Variants in GRIA2 observed in about 807,000 individuals in gnomAD.
GRIA2 encodes the protein glutamate receptor 2.
GRIA2 carries 14 observed loss-of-function variants against 97.3 expected under a neutral mutation model. The observed-to-expected ratio is 0.14, with a 90% CI of 0.10 to 0.23. The LOEUF is 0.23. GRIA2 is among the 10% of genes least tolerant of loss of function. The pLI, the probability that GRIA2 is intolerant of heterozygous loss-of-function variation, is 1.00. For synonymous variants in GRIA2, 412 were observed against 387.8 expected, an observed-to-expected ratio of 1.06 and a Z score of -0.73; for missense variants, 558 against 1,069.8, an observed-to-expected ratio of 0.52 and a Z score of 6.67.
chr4:157,361,063 A>G lies in GRIA2; in HGVS notation c.2345A>G (p.Lys782Arg). The G allele has an allele frequency of 6.2e-7, 1 of 1,613,846 alleles. No homozygotes were observed. The highest frequency in any genetic ancestry group is 8.5e-7 in the Non-Finnish European group (1 of 1,179,754). ...CTGAATGAACAAGGCCTGTTGGACAAATTGAAAAACAAATGGTGGTACGAC... is the reference window on the plus strand; with the variant it reads ...CTGAATGAACAAGGCCTGTTGGACAGATTGAAAAACAAATGGTGGTACGAC... ...LKLNEQGLLD[K>R]LKNKWWYDKG... is the part of the protein sequence containing the mutation. The change falls in exon 14 of 16, where the codon AAA becomes AGA. Residue 782 changes from lysine (K) to arginine (R), a missense_variant. Coordinates refer to ENST00000264426, the MANE Select transcript of GRIA2 (RefSeq NM_001083619.3). This position sits in a 1 kb window ranked among gnomAD's most constrained non-coding sequence, Gnocchi z 5.2.
intron 3 of GRIA2, among the ~76,000 whole-genome samples, chr4:157,309,901 T>C (rs1342346210): frequency 6.6e-6 from 1 of 152,170 alleles, no homozygotes; most frequent in African/African-American, 2.4e-5. Context: ...AATTTCTATA[T>C]GGTAATATAT....
chr4:157,343,098 T>C (rs935866578), intron 12 of GRIA2, among the ~76,000 whole-genome samples: 2 of 152,108 alleles, frequency 1.3e-5, no homozygotes, highest in African/African-American at 4.8e-5. Context: ...TTTGTTTCAG[T>C]GCACTAACTT....
At chr4:157,227,296 C>A (rs1171348773) in intron 2 of GRIA2, among the ~76,000 whole-genome samples, 1 of 152,120 alleles carries the variant, frequency 6.6e-6, no homozygotes, top group African/African-American at 2.4e-5. Context: ...GATTCATGCC[C>A]AGATCTCAAG....
intron 2 of GRIA2, among the ~76,000 whole-genome samples, chr4:157,223,519 C>T (rs768758324): frequency 6.6e-6 from 1 of 152,138 alleles, no homozygotes; most frequent in African/African-American, 2.4e-5. Context: ...AATTTGAAGA[C>T]TTCTATATTT....
rs762268024 is a variant in GRIA2, at chr4:157,312,770, G to A, written c.561G>A (p.Lys187=). 5 of 1,609,114 alleles carry A rather than the reference G, an allele frequency of 3.1e-6. No individual in the cohort carries two copies. In the East Asian group the frequency reaches 6.7e-5, roughly 22 times the overall value. ...ATGTGGGAAACATTAACAATGACAA[G>A]AAAGATGAGATGTACCGATCACTTT... ...AINVGNINND[K]KDEMYRSLFQ... Residue 187 remains lysine, a synonymous_variant, in exon 4 of 16, where the codon AAG becomes AAA. Coordinates refer to ENST00000264426, the MANE Select transcript of GRIA2 (RefSeq NM_001083619.3).
rs921475761 is a variant in GRIA2 at position 157,280,928 on chromosome 4, A to G, written c.230-22624A>G. Among the ~76,000 whole-genome samples, 5 of 151,930 alleles carry G rather than the reference A, an allele frequency of 3.3e-5. No homozygotes were observed. In the East Asian group the frequency reaches 9.7e-4, roughly 29 times the overall value. On this transcript the variant is annotated intron_variant, in intron 2 of 15. Coordinates refer to ENST00000264426, the MANE Select transcript of GRIA2 (RefSeq NM_001083619.3). ...TCAGGTAAAGATACACATATTACAC[A>G]CACTCCATCCCTGCTGCCAACACCC...
chr4:157,359,691 A>G (rs1158105216), intron 12 of GRIA2, among the ~76,000 whole-genome samples: 2 of 152,180 alleles, frequency 1.3e-5, no homozygotes, highest in Non-Finnish European at 2.9e-5. Flanking sequence ...TCGATGTTTC[A>G]GGTCCTTGCG....
chr4:157,284,997 C>A (rs1355309947), intron 2 of GRIA2, among the ~76,000 whole-genome samples: 5 of 151,642 alleles, frequency 3.3e-5, no homozygotes, highest in African/African-American at 1.2e-4. Flanking sequence ...CAGGATTTTG[C>A]CCAGCTGTTC....
chr4:157,257,065 A>T (rs1299274634), intron 2 of GRIA2, among the ~76,000 whole-genome samples: 1 of 152,060 alleles, frequency 6.6e-6, no homozygotes, highest in African/African-American at 2.4e-5. Flanking sequence ...AAGCTAATCA[A>T]AGTTGGAAGA....
intron 2 of GRIA2, among the ~76,000 whole-genome samples, chr4:157,239,632 G>GT (rs753193453): frequency 3.3e-5 from 5 of 151,628 alleles, no homozygotes; most frequent in Non-Finnish European, 7.4e-5. Flanking sequence ...GATGACATTC[G>GT]TGAGTCAAGA....
At position 157,361,651 on chromosome 4, in the gene GRIA2, A is replaced by C. The variant is rs1455516036; in HGVS notation, c.2406+527A>C. ...TGTGGAGCCAAGGACTCTGGAAGTA[A>C]GGTCAGTTGCTGCAGGTTTTATGTG... On this transcript the variant is annotated intron_variant, in intron 14 of 15. Coordinates refer to ENST00000264426, the MANE Select transcript of GRIA2 (RefSeq NM_001083619.3). The surrounding 1 kb of genome is among the most constrained non-coding windows in gnomAD (Gnocchi z 5.2). 1 of 1,599,124 alleles carries C rather than the reference A, an allele frequency of 6.3e-7. No individual in the cohort carries two copies. The highest frequency in any genetic ancestry group is 1.3e-5 in the African/African-American group (1 of 74,628).
At chr4:157,237,532 G>T (rs945660381) in intron 2 of GRIA2, among the ~76,000 whole-genome samples, 1 of 151,928 alleles carries the variant, frequency 6.6e-6, no homozygotes, top group Admixed American at 6.6e-5. Context: ...CTTCCATCTT[G>T]GCCTTCCAAA....
Position 157,321,428 on chromosome 4 carries a change from CTA to C in GRIA2, c.721-8_721-7del. 1 of 1,593,808 alleles carries C rather than the reference CTA, an allele frequency of 6.3e-7. No individual in the cohort carries two copies. Among genetic ancestry groups the C allele is most frequent in the Middle Eastern group, 1.9e-4 (1 of 5,298 alleles). ...ACAAAAAGCGTGATATCAATGTGTT[CTA>C]TGTTTAGGGATTTACTGATGGAGAC... On this transcript the variant is annotated splice_polypyrimidine_tract_variant and splice_region_variant and intron_variant, in intron 5 of 15. Transcript: ENST00000264426.
intron 3 of GRIA2, among the ~76,000 whole-genome samples, chr4:157,311,343 T>C (rs1296734703): frequency 6.6e-6 from 1 of 152,036 alleles, no homozygotes; most frequent in Non-Finnish European, 1.5e-5. Context: ...ATTCAAATGT[T>C]CCCATCTTTA....
rs981659009 is a variant in GRIA2 at position 157,344,280 on chromosome 4, A to G, written c.2043+2818A>G. Reference sequence around the variant, plus strand: ...TTCTGTGGAAAAATGTGGCAAGGGAAATTCTTGTTTCTATTCCTAAAATTA... The same window carrying G: ...TTCTGTGGAAAAATGTGGCAAGGGAGATTCTTGTTTCTATTCCTAAAATTA... On this transcript the variant is annotated intron_variant, in intron 12 of 15. Coordinates refer to ENST00000264426, the MANE Select transcript of GRIA2 (RefSeq NM_001083619.3). Among the ~76,000 whole-genome samples the G allele has an allele frequency of 2.5e-4, 38 of 152,064 alleles. 1 individual carries two copies. Among genetic ancestry groups the G allele is most frequent in the Non-Finnish European group, 4.4e-5 (3 of 67,984 alleles).
Position 157,221,661 on chromosome 4 carries a change from T to C in GRIA2, c.89-6T>C. 6.2e-7 allele frequency: 1 copy of C among 1,613,906 alleles called. No homozygotes were observed. The highest frequency in any genetic ancestry group is 8.5e-7 in the Non-Finnish European group (1 of 1,179,854). ...TGTTCTCTTGCTTGCTGTTTGTTCT[T>C]TGCAGGGGGGCTATTTCCTAGGGGC... On this transcript the variant is annotated splice_polypyrimidine_tract_variant and splice_region_variant and intron_variant, in intron 1 of 15. Coordinates refer to ENST00000264426, the MANE Select transcript of GRIA2 (RefSeq NM_001083619.3).
rs199772604 is a variant in GRIA2, at chr4:157,274,366, C to CT, written c.230-29177dup. On this transcript the variant is annotated intron_variant, in intron 2 of 15. Coordinates refer to ENST00000264426, the MANE Select transcript of GRIA2 (RefSeq NM_001083619.3). The stretch of plus-strand genomic sequence containing the variant: ...TTTGGATACCTTTTATTTCTTTTTT[C>CT]TTTTTTTTTAATTATTATACTTTAA... Among the ~76,000 whole-genome samples the CT allele has an allele frequency of 9.4e-4, 140 of 149,252 alleles. 1 individual carries two copies. The highest frequency in any genetic ancestry group is 3.0e-3 in the African/African-American group (124 of 40,670).
At chr4:157,304,923 A>C (rs1210026603) in intron 3 of GRIA2, among the ~76,000 whole-genome samples, 1 of 152,018 alleles carries the variant, frequency 6.6e-6, no homozygotes, top group African/African-American at 2.4e-5. Context: ...GAATGAGAAC[A>C]CTCAGTGGAA....
chr4:157,349,349 A>AT (rs1239043178), intron 12 of GRIA2, among the ~76,000 whole-genome samples: 1 of 150,888 alleles, frequency 6.6e-6, no homozygotes, highest in Non-Finnish European at 1.5e-5. Flanking sequence ...GTTTTTGTAC[A>AT]TTTCCTTATT....
Sources: allele counts gnomAD v4.1 joint callset (sites outside exome capture counted in the v4.1 genomes callset), GRCh38; gene constraint gnomAD v4.1.1; non-coding constraint Gnocchi (gnomAD v3.1); transcripts MANE v1.5; gene names NCBI Gene and HGNC (gene_info 2026-07-23, HGNC 2026-07-21).